COG4: variants seen among roughly 807,000 people sequenced by gnomAD.
COG4 encodes conserved oligomeric Golgi complex subunit 4.
A neutral mutation model predicts 95.1 loss-of-function variants in COG4; 65 were observed. The ratio of observed to expected loss-of-function variants is 0.68; its 90% CI spans 0.56 to 0.84. COG4 has a LOEUF of 0.84. COG4 is among the 40% of genes least tolerant of loss of function. The pLI is 0.00. For missense variants in COG4, 1,045 were observed against 989.1 expected, an observed-to-expected ratio of 1.06 and a Z score of -0.76; for synonymous variants, 421 against 374.8, an observed-to-expected ratio of 1.12 and a Z score of -1.42.
chr16:70,491,651 C>T (rs570877452), intron 12 of COG4, among the ~76,000 whole-genome samples: 15 of 150,882 alleles, frequency 9.9e-5, no homozygotes, highest in African/African-American at 1.7e-4. Context: ...GGCGAAACCC[C>T]GTCTCTACTA....
chr16:70,482,507 A>G, intron 15 of COG4: 1 of 618,632 alleles, frequency 1.6e-6, no homozygotes, highest in Middle Eastern at 4.2e-4. Flanking sequence ...GAGCTCCAAT[A>G]AGGGAATAAG....
chr16:70,521,821 C>T (rs528547625), intron 1 of COG4, among the ~76,000 whole-genome samples: 15 of 151,572 alleles, frequency 9.9e-5, no homozygotes, highest in South Asian at 6.3e-4. Flanking sequence ...CCTGCCTCAG[C>T]CTCCCGAGTA....
chr16:70,509,162 C>G, intron 7 of COG4, 69 bp downstream of exon 7: 2 of 1,590,710 alleles, frequency 1.3e-6, no homozygotes, highest in Non-Finnish European at 1.7e-6. Context: ...TCAAACCCTA[C>G]AATTTATTCT....
rs369018539 is a variant in COG4, at chr16:70,509,900, G to A, written c.844+16C>T. The A allele has an allele frequency of 2.8e-4, 447 of 1,593,568 alleles. No individual in the cohort carries two copies. Among genetic ancestry groups the A allele is most frequent in the Non-Finnish European group, 3.6e-4 (414 of 1,161,452 alleles). ...ATACAGTCTCCAGTCTCTCTAGAGC[G>A]GAGAAAGAGGCTCACCTTCAAACAG... On this transcript the variant is annotated intron_variant, in intron 6 of 18. Transcript: ENST00000323786.
At chr16:70,490,525 G>C in intron 12 of COG4, 133 bp from the exon 13 acceptor site, 1 of 755,512 alleles carries the variant, frequency 1.3e-6, no homozygotes, top group Non-Finnish European at 2.4e-6. Context: ...TTGCGCTAAT[G>C]AAAACCCACA....
At chr16:70,500,335 G>A (rs1157969081) in intron 9 of COG4, among the ~76,000 whole-genome samples, 1 of 151,490 alleles carries the variant, frequency 6.6e-6, no homozygotes, top group East Asian at 1.9e-4. Context: ...AGACTGAGAG[G>A]GATGAGAGGA....
chr16:70,497,394 A>G lies in COG4; in HGVS notation c.1315-7T>C. The G allele has an allele frequency of 6.2e-7, 1 of 1,612,276 alleles. No homozygotes were observed. Among genetic ancestry groups the G allele is most frequent in the African/African-American group, 1.3e-5 (1 of 75,012 alleles). ...AGGTGTCCAGAGCCACAGCCTACCC[A>G]AAAGGCAAAGCCAACACTGAGGGTC... On this transcript the variant is annotated splice_polypyrimidine_tract_variant and splice_region_variant and intron_variant, in intron 10 of 18. Transcript: ENST00000323786.
intron 8 of COG4, among the ~76,000 whole-genome samples, chr16:70,507,676 C>T (rs1374990594): frequency 8.6e-5 from 13 of 151,834 alleles, no homozygotes; most frequent in Admixed American, 8.5e-4. Flanking sequence ...ACCTGGCCAT[C>T]ATGGCAAAAC....
intron 12 of COG4, among the ~76,000 whole-genome samples, chr16:70,492,836 G>A (rs1319406820): frequency 2.0e-5 from 3 of 151,758 alleles, no homozygotes; most frequent in Admixed American, 6.6e-5. Flanking sequence ...GGTGGCAGGT[G>A]CCTGTAATCC....
Position 70,496,422 on chromosome 16 carries a change from C to T in COG4, c.1491G>A (p.Leu497=). Residue 497 remains leucine (L), a synonymous_variant, in exon 12 of 19, where the codon CTG becomes CTA. Coordinates refer to ENST00000323786, the MANE Select transcript of COG4 (RefSeq NM_015386.3). The stretch of plus-strand genomic sequence containing the variant: ...GAAAGCCCATCCGCAGCTTATTACA[C>T]AGAACATCCCTGGGGGGCAGGATTG... The part of the protein sequence containing the change: ...TELESDFRDV[L]CNKLRMGFPA... 1 of 1,614,156 alleles carries T rather than the reference C, an allele frequency of 6.2e-7. No homozygotes were observed. The highest frequency in any genetic ancestry group is 8.5e-7 in the Non-Finnish European group (1 of 1,180,036).
rs2049373613 is a variant in COG4 at position 70,497,935 on chromosome 16, A to C, written c.1314+2T>G. ...TTCCAAGAGATGCGTCCTATGTCCT[A>C]CCTTATTGACAGTCTCCCTCATGAA... On this transcript the variant is annotated splice_donor_variant, in intron 10 of 18. Coordinates refer to ENST00000323786, the MANE Select transcript of COG4 (RefSeq NM_015386.3). LOFTEE classifies it high-confidence loss of function. 1 of 1,537,912 alleles carries C rather than the reference A, an allele frequency of 6.5e-7. No individual in the cohort carries two copies. Among genetic ancestry groups the C allele is most frequent in the Non-Finnish European group, 9.0e-7 (1 of 1,110,686 alleles).
chr16:70,503,845 C>T (rs889330384), intron 8 of COG4, among the ~76,000 whole-genome samples: 3 of 122,864 alleles, frequency 2.4e-5, no homozygotes, highest in Non-Finnish European at 4.4e-5. Context: ...CCGCCCGCCT[C>T]GGCCTCCCAA....
Position 70,519,732 on chromosome 16 carries a change from C to G in COG4, c.172-1G>C, listed in dbSNP as rs1235725163. 6.2e-7 allele frequency: 1 copy of G among 1,611,282 alleles called. No homozygotes were observed. The highest frequency in any genetic ancestry group is 1.3e-5 in the African/African-American group (1 of 75,018). ...CATCCAGCTCTCTCTCCACCACTTT[C>G]TGAAACACAGAGAAACATCCTGTCA... On this transcript the variant is annotated splice_acceptor_variant, in intron 1 of 18. Coordinates refer to ENST00000323786, the MANE Select transcript of COG4 (RefSeq NM_015386.3). LOFTEE classifies it high-confidence loss of function.
At chr16:70,489,652 C>A (rs1390155264) in intron 13 of COG4, among the ~76,000 whole-genome samples, 2 of 151,388 alleles carry the variant, frequency 1.3e-5, no homozygotes, top group East Asian at 3.9e-4. Flanking sequence ...GTTAAGCTTA[C>A]AGGTATGAGC....
At chr16:70,523,291 T>G in intron 1 of COG4, 82 bp downstream of exon 1, 1 of 1,549,860 alleles carries the variant, frequency 6.5e-7, no homozygotes, top group Non-Finnish European at 8.9e-7. Flanking sequence ...GCAAGGAGAG[T>G]TTCCCACAGC....
chr16:70,505,701 C>T (rs1236310805), intron 8 of COG4, among the ~76,000 whole-genome samples: 6 of 151,292 alleles, frequency 4.0e-5, no homozygotes, highest in African/African-American at 1.2e-4. Flanking sequence ...TGGTGGCAGA[C>T]GCCTGTAGTC....
intron 15 of COG4, 163 bp downstream of exon 15, chr16:70,482,566 C>T (rs897030434): frequency 2.9e-6 from 2 of 697,988 alleles, no homozygotes; most frequent in Non-Finnish European, 5.2e-6. Context: ...TGACTAGGGA[C>T]AAACTGTTTC....
At chr16:70,506,964 CACTTTGGGAAG>C (rs113113968) in intron 8 of COG4, among the ~76,000 whole-genome samples, 5 of 152,222 alleles carry the variant, frequency 3.3e-5, no homozygotes, top group African/African-American at 2.4e-5. Context: ...GTAATCCCAT[CACTTTGGGAAG>C]ACTTTGGGAG....
chr16:70,489,866 G>A (rs2049209391), intron 13 of COG4, among the ~76,000 whole-genome samples: 1 of 152,130 alleles, frequency 6.6e-6, no homozygotes, highest in Non-Finnish European at 1.5e-5. Flanking sequence ...CGCCCAGGCT[G>A]GAGTGCAGTG....
Sources: gnomAD v4.1 joint callset for allele counts (sites outside exome capture counted in the v4.1 genomes callset) on GRCh38, gnomAD v4.1.1 for gene constraint, MANE v1.5 for transcripts, NCBI Gene and HGNC (gene_info 2026-07-23, HGNC 2026-07-21) for gene names.